DNAH5: variants seen among roughly 807,000 people sequenced by gnomAD.
DNAH5 encodes the protein axonemal beta dynein heavy chain 5.
In DNAH5, 372 loss-of-function variants were observed where a neutral mutation model predicts 518.2. The observed-to-expected ratio is 0.72, with a 90% CI of 0.66 to 0.78. The LOEUF (loss-of-function observed/expected upper bound fraction) is 0.78, where lower values mean the gene tolerates loss of function less well. Among genes scored for constraint, DNAH5 ranks in the 30% least tolerant of loss-of-function variants. DNAH5 has a pLI of 0.00. For missense variants in DNAH5, 5,523 were observed against 5,687.0 expected, an observed-to-expected ratio of 0.97 and a Z score of 0.93; for synonymous variants, 2,039 against 2,025.9, an observed-to-expected ratio of 1.01 and a Z score of -0.17.
chr5:13,833,640 G>T (rs1447172998), intron 35 of DNAH5, among the ~76,000 whole-genome samples: 1 of 152,092 alleles, frequency 6.6e-6, no homozygotes, highest in African/African-American at 2.4e-5. Flanking sequence ...GCTAGGGGCA[G>T]AGCTGAGCAG....
chr5:13,896,971 G>T (rs1773989587), intron 15 of DNAH5, among the ~76,000 whole-genome samples: 1 of 152,018 alleles, frequency 6.6e-6, no homozygotes. Context: ...TAGGTCCAAA[G>T]AGATTCTATA....
chr5:13,832,107 T>C (rs969140087), intron 35 of DNAH5, among the ~76,000 whole-genome samples: 4 of 151,962 alleles, frequency 2.6e-5, no homozygotes, highest in African/African-American at 9.7e-5. Context: ...AGTTTACCTA[T>C]GTAACAAACC....
At chr5:13,782,733 C>T (rs1464149166) in intron 52 of DNAH5, among the ~76,000 whole-genome samples, 5 of 152,172 alleles carry the variant, frequency 3.3e-5, no homozygotes, top group Non-Finnish European at 7.3e-5. Flanking sequence ...CAAGGTCTTA[C>T]ATTAAAACAC....
chr5:13,751,730 G>A (rs569280983), intron 64 of DNAH5, among the ~76,000 whole-genome samples: 38 of 152,240 alleles, frequency 2.5e-4, no homozygotes, highest in Middle Eastern at 3.4e-3. Context: ...AGGGCTTTGT[G>A]GTGTTTAGGG....
In DNAH5 at chr5:13,870,826, C is replaced by T. The variant is rs112217391; in HGVS notation, c.3775G>A (p.Ala1259Thr). ...DLDDIRIAMA[A>T]LKEIREEQIS... ...TGCTCCTCCCTTATTTCTTTCAGCG[C>T]TGCCATTGCAATCCGAATATCATCT... Residue 1259 changes from alanine (A) to threonine (T), a missense_variant, in exon 24 of 79, where the codon GCG (alanine) becomes ACG (threonine). By Grantham distance (58) the Ala-to-Thr change is moderately conservative (BLOSUM62 0). Coordinates refer to ENST00000265104, the MANE Select transcript of DNAH5 (RefSeq NM_001369.3). The T allele has an allele frequency of 2.0e-4, 320 of 1,613,880 alleles. 1 individual carries two copies. The African/African-American group carries it at 3.6e-3, about 18-fold the overall frequency.
At chr5:13,909,305 CAATAAT>C (rs1251662676) in intron 12 of DNAH5, among the ~76,000 whole-genome samples, 1 of 151,984 alleles carries the variant, frequency 6.6e-6, no homozygotes, top group Non-Finnish European at 1.5e-5. Context: ...AGATGAGCAG[CAATAAT>C]AATAAAATAG....
intron 65 of DNAH5, among the ~76,000 whole-genome samples, chr5:13,749,000 C>A (rs186325148): frequency 1.1e-4 from 16 of 152,074 alleles, no homozygotes; most frequent in African/African-American, 3.6e-4. Flanking sequence ...TCAACTCAGA[C>A]CCATCTGCAC....
At chr5:14,002,421 T>C (rs963039756) in intron 1 of DNAH5, among the ~76,000 whole-genome samples, 1 of 152,068 alleles carries the variant, frequency 6.6e-6, no homozygotes, top group South Asian at 2.1e-4. Flanking sequence ...GTTGACAATA[T>C]CAAAAAATTG....
At chr5:13,777,421 C>G in intron 53 of DNAH5, 66 bp from the exon 54 acceptor site, 1 of 1,464,890 alleles carries the variant, frequency 6.8e-7, no homozygotes, top group South Asian at 1.2e-5. Flanking sequence ...AACCTTGTAA[C>G]AACGCATTAT....
At chr5:13,697,236 A>C (rs1741505310) in intron 78 of DNAH5, among the ~76,000 whole-genome samples, 1 of 152,242 alleles carries the variant, frequency 6.6e-6, no homozygotes, top group Non-Finnish European at 1.5e-5. Context: ...CTATAAAATA[A>C]TTACTGTCCC....
chr5:13,886,135 C>CAA lies in DNAH5; in HGVS notation c.2578-8_2578-7dup, dbSNP rs71600031. 1.2e-3 allele frequency: 1,621 copies of CAA among 1,339,212 alleles called. 1 individual carries two copies. The highest frequency in any genetic ancestry group is 3.2e-3 in the African/African-American group (194 of 60,426). 83.0% of individuals were successfully genotyped at this position (1,339,212 alleles called of 1,614,324 possible). ...GCACCATTTACACAAAGATCCTAAC[C>CAA]AAAAAAAAAAAAAAAAAAAGATAGC... is the stretch of plus-strand genomic sequence containing the variant. On this transcript the variant is annotated splice_polypyrimidine_tract_variant and splice_region_variant and intron_variant, in intron 17 of 78. Coordinates refer to ENST00000265104, the MANE Select transcript of DNAH5 (RefSeq NM_001369.3).
At chr5:14,007,027 C>A (rs1784768243) in intron 1 of DNAH5, among the ~76,000 whole-genome samples, 1 of 152,172 alleles carries the variant, frequency 6.6e-6, no homozygotes, top group Non-Finnish European at 1.5e-5. Flanking sequence ...GGATGTGGAC[C>A]AGGCCCTCCA....
chr5:13,835,620 A>G (rs963106304), intron 35 of DNAH5, among the ~76,000 whole-genome samples: 2 of 152,062 alleles, frequency 1.3e-5, no homozygotes, highest in Admixed American at 1.3e-4. Context: ...AGTTTTTTCG[A>G]GGGCTACATG....
intron 68 of DNAH5, among the ~76,000 whole-genome samples, chr5:13,732,596 T>A (rs1746760177): frequency 6.6e-6 from 1 of 152,106 alleles, no homozygotes; most frequent in Non-Finnish European, 1.5e-5. Context: ...CTTGAACTCC[T>A]GACCTCAAGT....
intron 1 of DNAH5, among the ~76,000 whole-genome samples, chr5:13,958,240 T>A (rs1327988082): frequency 6.6e-6 from 1 of 152,096 alleles, no homozygotes; most frequent in African/African-American, 2.4e-5. Context: ...AATTCATCTC[T>A]CCAAAATTAT....
intron 78 of DNAH5, among the ~76,000 whole-genome samples, chr5:13,699,453 C>T (rs960540872): frequency 4.6e-5 from 7 of 152,182 alleles, no homozygotes; most frequent in Admixed American, 2.6e-4. Flanking sequence ...GTGGCTCACG[C>T]CTATAATCCT....
At chr5:13,798,538 T>C (rs1219060462) in intron 47 of DNAH5, among the ~76,000 whole-genome samples, 1 of 152,132 alleles carries the variant, frequency 6.6e-6, no homozygotes, top group African/African-American at 2.4e-5. Flanking sequence ...TATGTAAAGA[T>C]AAAATAAATT....
At chr5:13,871,132 G>T in intron 23 of DNAH5, 130 bp from the exon 24 acceptor site, 4 of 668,302 alleles carry the variant, frequency 6.0e-6, no homozygotes, top group South Asian at 4.3e-5. Context: ...AAATTGAACT[G>T]GAAAAAATCA....
chr5:13,819,344 T>G (rs1164592306), intron 41 of DNAH5, among the ~76,000 whole-genome samples: 1 of 152,188 alleles, frequency 6.6e-6, no homozygotes, highest in East Asian at 1.9e-4. Context: ...GTCTGAGGAC[T>G]GCCTGGTAGA....
Sources: allele counts gnomAD v4.1 joint callset (sites outside exome capture counted in the v4.1 genomes callset), GRCh38; gene constraint gnomAD v4.1.1; transcripts MANE v1.5; gene names NCBI Gene and HGNC (gene_info 2026-07-23, HGNC 2026-07-21).